MARCHF11: variants seen among roughly 807,000 people sequenced by gnomAD.
The protein encoded by MARCHF11 is membrane associated ring-CH-type finger 11, also known as E3 ubiquitin-protein ligase MARCHF11.
In MARCHF11, 29 loss-of-function variants were observed where a neutral mutation model predicts 37.3. The observed-to-expected ratio is 0.78, with a 90% confidence interval of 0.58 to 1.06. MARCHF11 has a LOEUF of 1.06. Ranked by LOEUF, MARCHF11 falls within the 50% of genes least tolerant of loss-of-function variation. The probability of loss-of-function intolerance (pLI) is 0.00; values close to 1 mark genes in which losing one functional copy is unlikely to be tolerated. For synonymous variants in MARCHF11, 233 were observed against 228.0 expected, an observed-to-expected ratio of 1.02 and a Z score of -0.20; for missense variants, 482 against 533.4, an observed-to-expected ratio of 0.90 and a Z score of 0.95.
At chr5:16,171,577 C>T (rs1041383829) in intron 2 of MARCHF11, among the ~76,000 whole-genome samples, 2 of 151,998 alleles carry the variant, frequency 1.3e-5, no homozygotes, top group African/African-American at 2.4e-5. Context: ...AAATTTCAGT[C>T]GCTATAAGTA....
chr5:16,127,317 G>A (rs1439615823), intron 2 of MARCHF11, among the ~76,000 whole-genome samples: 4 of 152,016 alleles, frequency 2.6e-5, no homozygotes, highest in African/African-American at 4.8e-5. Flanking sequence ...ACCAGATGTC[G>A]GTCACACAAG....
At chr5:16,108,533 G>A (rs1579386329) in intron 2 of MARCHF11, among the ~76,000 whole-genome samples, 2 of 152,356 alleles carry the variant, frequency 1.3e-5, no homozygotes. Context: ...ATCTGCCAGG[G>A]AGAGGAAGGG....
rs144789983 is a variant in MARCHF11, at chr5:16,093,341, T to G, written c.694-2260A>C. Reference sequence around the variant, plus strand: ...ATTTGAATAGCTCAAAACTGCATAATGAATTATATTTGGCTTCAATTAGGC... The same window carrying G: ...ATTTGAATAGCTCAAAACTGCATAAGGAATTATATTTGGCTTCAATTAGGC... On this transcript the variant is annotated intron_variant, in intron 2 of 3. Transcript: ENST00000332432. Among the ~76,000 whole-genome samples, 399 of 152,324 alleles carry G rather than the reference T, an allele frequency of 2.6e-3. 3 individuals carry two copies. Among genetic ancestry groups the G allele is most frequent in the African/African-American group, 9.0e-3 (374 of 41,564 alleles).
rs192292942 is a variant in MARCHF11, at chr5:16,076,885, T to C, written c.887-9092A>G. Among the ~76,000 whole-genome samples, 22 of 152,324 alleles carry C rather than the reference T, an allele frequency of 1.4e-4. No homozygotes were observed. The East Asian group carries it at 4.3e-3, about 29-fold the overall frequency. On this transcript the variant is annotated intron_variant, in intron 3 of 3. Transcript: ENST00000332432. ...ACCGGTGTCTCCTCAGCCTGCGAAA[T>C]GGCCAGTGGCCAGAAGGGATATTAC...
intron 2 of MARCHF11, among the ~76,000 whole-genome samples, chr5:16,108,009 C>T (rs1737073143): frequency 6.6e-6 from 1 of 152,194 alleles, no homozygotes; most frequent in South Asian, 2.1e-4. Context: ...CTGAATCTTC[C>T]ATGACGCTGG....
intron 2 of MARCHF11, among the ~76,000 whole-genome samples, chr5:16,107,475 T>C (rs1037727253): frequency 6.6e-6 from 1 of 152,046 alleles, no homozygotes; most frequent in African/African-American, 2.4e-5. Context: ...GTTTTGCAAA[T>C]AGTAAATTAA....
chr5:16,091,228 G>T, intron 2 of MARCHF11, 147 bp from the exon 3 acceptor site: 1 of 580,624 alleles, frequency 1.7e-6, no homozygotes, highest in Non-Finnish European at 2.8e-6. Context: ...TTTCATCCAG[G>T]CTATAAAAAA....
intron 2 of MARCHF11, among the ~76,000 whole-genome samples, chr5:16,166,393 A>G (rs1377128162): frequency 6.6e-6 from 1 of 152,012 alleles, no homozygotes; most frequent in East Asian, 2.0e-4. Flanking sequence ...GCATAAGCAC[A>G]TATGTGTAAA....
At chr5:16,075,394 A>G (rs755791326) in intron 3 of MARCHF11, among the ~76,000 whole-genome samples, 2 of 151,890 alleles carry the variant, frequency 1.3e-5, no homozygotes, top group Non-Finnish European at 2.9e-5. Context: ...CCCTCCTTCT[A>G]CTGCCCACCA....
At chr5:16,125,025 T>C (rs1360090278) in intron 2 of MARCHF11, among the ~76,000 whole-genome samples, 6 of 151,518 alleles carry the variant, frequency 4.0e-5, no homozygotes, top group Admixed American at 3.9e-4. Flanking sequence ...CACATTCTTA[T>C]TGTTTGATTA....
intron 2 of MARCHF11, among the ~76,000 whole-genome samples, chr5:16,094,559 TTTC>T (rs1736835511): frequency 6.6e-6 from 1 of 152,096 alleles, no homozygotes; most frequent in Admixed American, 6.6e-5. Context: ...TGCATTTAAC[TTTC>T]TTCCCACATT....
intron 2 of MARCHF11, among the ~76,000 whole-genome samples, chr5:16,105,363 TAAC>T (rs1737020022): frequency 6.6e-6 from 1 of 152,222 alleles, no homozygotes; most frequent in African/African-American, 2.4e-5. Context: ...TATTTTAACA[TAAC>T]AAACAAACAA....
At chr5:16,068,113 T>C (rs1039816416) in intron 3 of MARCHF11, among the ~76,000 whole-genome samples, 1 of 152,226 alleles carries the variant, frequency 6.6e-6, no homozygotes, top group African/African-American at 2.4e-5. Flanking sequence ...GGTTCATTTA[T>C]GCATTTAACA....
chr5:16,144,622 G>A (rs1270224234), intron 2 of MARCHF11, among the ~76,000 whole-genome samples: 1 of 152,166 alleles, frequency 6.6e-6, no homozygotes, highest in Non-Finnish European at 1.5e-5. Context: ...AATGAAATCT[G>A]TGTATAAAAC....
At chr5:16,161,180 C>T (rs1187649864) in intron 2 of MARCHF11, among the ~76,000 whole-genome samples, 1 of 102,628 alleles carries the variant, frequency 9.7e-6, no homozygotes, top group Non-Finnish European at 1.8e-5. Context: ...TGCTATCCCT[C>T]CCCCCTCCCC....
chr5:16,093,093 C>T (rs2126558331), intron 2 of MARCHF11, among the ~76,000 whole-genome samples: 1 of 152,242 alleles, frequency 6.6e-6, no homozygotes, highest in African/African-American at 2.4e-5. Context: ...ATTTATTAGT[C>T]ACATCAGATA....
intron 2 of MARCHF11, among the ~76,000 whole-genome samples, chr5:16,173,628 G>C (rs1560996104): frequency 6.6e-6 from 1 of 152,142 alleles, no homozygotes; most frequent in African/African-American, 2.4e-5. Context: ...AAAAAGCAGG[G>C]AATAAAAATC....
chr5:16,157,783 T>A (rs1033643756), intron 2 of MARCHF11, among the ~76,000 whole-genome samples: 4 of 151,994 alleles, frequency 2.6e-5, no homozygotes, highest in South Asian at 2.1e-4. Context: ...TGGCAATGAT[T>A]TTTTTGGAGA....
intron 2 of MARCHF11, among the ~76,000 whole-genome samples, chr5:16,115,005 G>A (rs1351383327): frequency 1.3e-5 from 2 of 152,088 alleles, no homozygotes; most frequent in East Asian, 1.9e-4. Context: ...ACTGCACATC[G>A]TGTGTCAGGC....
Sources: gnomAD v4.1 joint callset for allele counts (sites outside exome capture counted in the v4.1 genomes callset) on GRCh38, gnomAD v4.1.1 for gene constraint, MANE v1.5 for transcripts, NCBI Gene and HGNC (gene_info 2026-07-23, HGNC 2026-07-21) for gene names.